CRACD: variants seen among roughly 807,000 people sequenced by gnomAD.
CRACD encodes capping protein inhibiting regulator of actin dynamics, also known as capping protein-inhibiting regulator of actin dynamics.
A neutral mutation model predicts 106.8 loss-of-function variants in CRACD; 56 were observed. The ratio of observed to expected loss-of-function variants is 0.52; its 90% CI spans 0.42 to 0.66. The LOEUF (loss-of-function observed/expected upper bound fraction) is 0.66, where lower values mean the gene tolerates loss of function less well. Ranked by LOEUF, CRACD falls within the 30% of genes least tolerant of loss-of-function variation. The pLI, the probability that CRACD is intolerant of heterozygous loss-of-function variation, is 0.00. For missense variants in CRACD, 1,730 were observed against 1,623.2 expected (o/e 1.07, Z -1.13); for synonymous variants, 754 against 670.8 (o/e 1.12, Z -1.92).
chr4:56,324,674 GT>G (rs1399449403), intron 10 of CRACD, among the ~76,000 whole-genome samples: 1 of 152,222 alleles, frequency 6.6e-6, no homozygotes, highest in Admixed American at 6.5e-5. Context: ...TTCTGACAAA[GT>G]TGGGTTTATT....
At chr4:56,261,865 A>G (rs958626314) in intron 2 of CRACD, among the ~76,000 whole-genome samples, 6 of 152,210 alleles carry the variant, frequency 3.9e-5, no homozygotes, top group African/African-American at 1.4e-4. Flanking sequence ...AACCTATTTC[A>G]GGAGATTCTA....
At chr4:56,290,390 G>A (rs1389583186) in intron 3 of CRACD, among the ~76,000 whole-genome samples, 2 of 152,200 alleles carry the variant, frequency 1.3e-5, no homozygotes, top group African/African-American at 2.4e-5. Context: ...AGTTCTGTGG[G>A]AAGATTGATG....
intron 1 of CRACD, among the ~76,000 whole-genome samples, chr4:56,071,309 T>C (rs1732638683): frequency 6.6e-6 from 1 of 152,142 alleles, no homozygotes; most frequent in South Asian, 2.1e-4. Context: ...AGATAGACAC[T>C]TTTTTACTTC....
At chr4:56,122,303 G>T (rs1166207386) in intron 1 of CRACD, among the ~76,000 whole-genome samples, 1 of 115,328 alleles carries the variant, frequency 8.7e-6, no homozygotes, top group Admixed American at 1.0e-4. Context: ...CCTCCAAATT[G>T]TAGACCAAAA....
chr4:56,183,246 A>AAAAT (rs1273619596), intron 2 of CRACD, among the ~76,000 whole-genome samples: 6 of 104,864 alleles, frequency 5.7e-5, no homozygotes, highest in African/African-American at 2.7e-4. Context: ...AAAATAAAAT[A>AAAAT]AAATAAAATA....
At chr4:56,309,153 G>GC in intron 5 of CRACD, 1 of 386,964 alleles carries the variant, frequency 2.6e-6, no homozygotes, top group Non-Finnish European at 5.2e-6. Context: ...TGGGTGAGGA[G>GC]TGTAGCAGGA....
chr4:56,269,054 G>A (rs1357238136), intron 2 of CRACD, among the ~76,000 whole-genome samples: 1 of 152,146 alleles, frequency 6.6e-6, no homozygotes, highest in Non-Finnish European at 1.5e-5. Context: ...TTCTTGCATT[G>A]TTATAAAGAA....
chr4:56,073,922 G>A (rs1732749969), intron 1 of CRACD, among the ~76,000 whole-genome samples: 1 of 152,054 alleles, frequency 6.6e-6, no homozygotes, highest in African/African-American at 2.4e-5. Flanking sequence ...TCTGCATATG[G>A]CTAGCCAGTT....
chr4:56,213,989 G>A (rs1442145050), intron 2 of CRACD, among the ~76,000 whole-genome samples: 3 of 152,196 alleles, frequency 2.0e-5, no homozygotes, highest in Non-Finnish European at 2.9e-5. Flanking sequence ...GGTAGAAAGG[G>A]TGAGAAACAG....
chr4:56,283,436 T>A (rs1405988466), intron 3 of CRACD, among the ~76,000 whole-genome samples: 3 of 152,216 alleles, frequency 2.0e-5, no homozygotes, highest in Admixed American at 6.5e-5. Flanking sequence ...GAGTTGTCTT[T>A]ACCTTGCTGT....
In CRACD at chr4:56,081,866, C is replaced by T. The variant is rs145727285; in HGVS notation, c.-336+32567C>T. On this transcript the variant is annotated intron_variant, in intron 1 of 10. Transcript: ENST00000682029. ...TGGTGCACGCCCGTAATCCCAGCTA[C>T]TTGGGAGGCTGAGGCAGGAGAATTG... Among the ~76,000 whole-genome samples, 249 of 152,018 alleles carry T rather than the reference C, an allele frequency of 1.6e-3. 1 individual carries two copies. The highest frequency in any genetic ancestry group is 2.7e-3 in the Non-Finnish European group (185 of 67,978).
intron 2 of CRACD, among the ~76,000 whole-genome samples, chr4:56,250,869 G>GCAAC (rs1741012203): frequency 1.3e-5 from 2 of 152,118 alleles, no homozygotes; most frequent in Non-Finnish European, 2.9e-5. Context: ...TGTTCCCCTT[G>GCAAC]CAACCAACTT....
chr4:56,163,451 G>A (rs1736029010), intron 1 of CRACD, among the ~76,000 whole-genome samples: 1 of 152,000 alleles, frequency 6.6e-6, no homozygotes, highest in Admixed American at 6.6e-5. Flanking sequence ...CAATCTCAAA[G>A]GAAATGAGTA....
intron 4 of CRACD, among the ~76,000 whole-genome samples, chr4:56,306,181 TA>T (rs1375856703): frequency 2.0e-5 from 3 of 152,108 alleles, no homozygotes; most frequent in African/African-American, 7.2e-5. Context: ...TCTGTGGGGT[TA>T]AATATTAGCC....
chr4:56,228,413 AG>A (rs746998641), intron 2 of CRACD, among the ~76,000 whole-genome samples: 3 of 152,140 alleles, frequency 2.0e-5, no homozygotes, highest in Non-Finnish European at 4.4e-5. Context: ...TTAATTGCTT[AG>A]GTGGAAGGTT....
Position 56,307,647 on chromosome 4 carries a change from C to G in CRACD, c.233C>G (p.Pro78Arg), listed in dbSNP as rs1384428793. The part of the protein sequence containing the change: ...SLEEDLFLTS[P>R]MEIVTQQDIV... ...GAAGAGGATCTGTTCCTGACCAGTC[C>G]CATGGAAATTGTGACTCAGCAGGAC... Residue 78 changes from proline to arginine, a missense_variant, in exon 5 of 11, where the codon CCC (proline) becomes CGC (arginine). By Grantham distance (103) the Pro-to-Arg change is moderately radical (BLOSUM62 -2). Transcript: ENST00000682029. 1 of 1,614,086 alleles carries G rather than the reference C, an allele frequency of 6.2e-7. No individual in the cohort carries two copies. Among genetic ancestry groups the G allele is most frequent in the Non-Finnish European group, 8.5e-7 (1 of 1,180,014 alleles).
chr4:56,148,080 C>CT (rs1735454576), intron 1 of CRACD, among the ~76,000 whole-genome samples: 1 of 152,068 alleles, frequency 6.6e-6, no homozygotes, highest in Non-Finnish European at 1.5e-5. Flanking sequence ...AGGAGGGAGG[C>CT]CTCAGGAAAA....
intron 1 of CRACD, among the ~76,000 whole-genome samples, chr4:56,116,163 CTATT>C (rs1379299214): frequency 6.6e-6 from 1 of 152,088 alleles, no homozygotes; most frequent in African/African-American, 2.4e-5. Flanking sequence ...GTGGATATGT[CTATT>C]TATTTAATCC....
Position 56,159,942 on chromosome 4 carries a change from C to T in CRACD, c.-335-19342C>T, listed in dbSNP as rs796889563. Among the ~76,000 whole-genome samples, 269 of 149,508 alleles carry T rather than the reference C, an allele frequency of 1.8e-3. 3 individuals are homozygous for T. Among genetic ancestry groups the T allele is most frequent in the African/African-American group, 6.0e-3 (246 of 40,826 alleles). ...GATTACAGGCATGCGCCACCACGCC[C>T]GGCTAATTTTGTATTTTTAGTAGAG... On this transcript the variant is annotated intron_variant, in intron 1 of 10. Coordinates refer to ENST00000682029, the MANE Select transcript of CRACD (RefSeq NM_001393381.1).
Sources: gnomAD v4.1 joint callset for allele counts (sites outside exome capture counted in the v4.1 genomes callset) on GRCh38, gnomAD v4.1.1 for gene constraint, MANE v1.5 for transcripts, NCBI Gene and HGNC (gene_info 2026-07-23, HGNC 2026-07-21) for gene names.